Variants in USP50 observed in about 807,000 individuals in gnomAD.
The protein encoded by USP50 is ubiquitin carboxyl-terminal hydrolase 50.
In USP50, 37 loss-of-function variants were observed where a neutral mutation model predicts 39.2. The ratio of observed to expected loss-of-function variants is 0.94; its 90% CI spans 0.73 to 1.24. USP50 has a LOEUF of 1.24. Ranked by LOEUF, USP50 falls within the 50% of genes most tolerant of loss-of-function variation. The pLI is 0.00. For missense variants in USP50, 374 were observed against 398.2 expected, an observed-to-expected ratio of 0.94 and a Z score of 0.52; for synonymous variants, 139 against 144.5, an observed-to-expected ratio of 0.96 and a Z score of 0.27.
At position 50,538,792 on chromosome 15, in the gene USP50, G is replaced by A. The variant is rs2053003905; in HGVS notation, c.720C>T (p.Cys240=). Residue 240 remains cysteine, a synonymous_variant, in exon 5 of 7, where the codon TGC becomes TGT. Transcript: ENST00000532404. ...DALTWNNEIH[C]SFCETKQETA... ...TTTCTTGCTTGGTTTCACAAAAGGA[G>A]CAGTGAATTTCGTTGTTCCAGGTCA... The A allele has an allele frequency of 6.2e-7, 1 of 1,613,574 alleles. No individual in the cohort carries two copies.
intron 5 of USP50, among the ~76,000 whole-genome samples, chr15:50,536,894 G>T (rs527408441): frequency 1.3e-5 from 2 of 152,216 alleles, no homozygotes; most frequent in Admixed American, 6.5e-5. Context: ...TAAATACAAT[G>T]CAATCCCAAT....
At chr15:50,530,409 T>C (rs1224036661) in intron 5 of USP50, among the ~76,000 whole-genome samples, 1 of 151,866 alleles carries the variant, frequency 6.6e-6, no homozygotes, top group Non-Finnish European at 1.5e-5. Context: ...TGGTGAAACC[T>C]CGTCTCTACT....
At chr15:50,514,264 G>C (rs1419007886) in intron 6 of USP50, 1 of 152,160 alleles carries the variant, frequency 6.6e-6, no homozygotes, top group African/African-American at 2.4e-5. Context: ...CTCGAAGGCA[G>C]GTACAAGCAC....
At chr15:50,521,196 C>T (rs967719972) in intron 6 of USP50, among the ~76,000 whole-genome samples, 1 of 152,208 alleles carries the variant, frequency 6.6e-6, no homozygotes, top group East Asian at 1.9e-4. Context: ...CGCCCGCCAC[C>T]AAGCTTGGCA....
chr15:50,519,708 C>A (rs1050788361), intron 6 of USP50, among the ~76,000 whole-genome samples: 8 of 150,964 alleles, frequency 5.3e-5, no homozygotes, highest in Non-Finnish European at 1.2e-4. Context: ...GAGCGAGACT[C>A]CGTCTCTTAA....
chr15:50,497,017 CTAAA>C, downstream of USP50: 3 of 1,525,276 alleles, frequency 2.0e-6, no homozygotes, highest in South Asian at 3.9e-5. Flanking sequence ...GAGTGACTAA[CTAAA>C]TAGGTGCTCT....
downstream of USP50, chr15:50,495,731 T>A: frequency 1.2e-6 from 1 of 808,338 alleles, no homozygotes; most frequent in Non-Finnish European, 1.9e-6. Flanking sequence ...TCAGAACTCC[T>A]TTATGAGAAC....
At chr15:50,497,301 T>C (rs776542499), downstream of USP50, 53 of 1,513,150 alleles carry the variant, frequency 3.5e-5, no homozygotes, top group Non-Finnish European at 4.6e-5. Context: ...GTGTAATTTA[T>C]ACTTGTTGTA....
Position 50,529,932 on chromosome 15 carries a change from G to T in USP50, c.804-3C>A. 2.5e-6 allele frequency: 4 copies of T among 1,613,436 alleles called. No individual in the cohort carries two copies. In the South Asian group the frequency reaches 4.4e-5, roughly 18 times the overall value. Reference sequence around the variant, plus strand: ...TTGTTGTACCCTGAATGTCAAACCTGCAGGTATAATAAATGTGTGAAATAC... The same window carrying T: ...TTGTTGTACCCTGAATGTCAAACCTTCAGGTATAATAAATGTGTGAAATAC... On this transcript the variant is annotated splice_region_variant and splice_polypyrimidine_tract_variant and intron_variant, in intron 5 of 6. Transcript: ENST00000532404.
intron 6 of USP50, among the ~76,000 whole-genome samples, chr15:50,520,639 A>G (rs1192434355): frequency 6.6e-6 from 1 of 152,062 alleles, no homozygotes; most frequent in African/African-American, 2.4e-5. Flanking sequence ...AAAAAGGAAT[A>G]TTCTTCATTC....
At chr15:50,499,250 ATAACATT>A (rs1369325714), downstream of USP50, 3 of 551,668 alleles carry the variant, frequency 5.4e-6, no homozygotes, top group Admixed American at 4.0e-5. Context: ...GTGCTGACAA[ATAACATT>A]TAACAAGTAT....
At chr15:50,540,598 C>T (rs1014325759) in intron 4 of USP50, among the ~76,000 whole-genome samples, 12 of 152,004 alleles carry the variant, frequency 7.9e-5, no homozygotes, top group African/African-American at 2.7e-4. Context: ...AAAATACTGT[C>T]ATCATGGACT....
intron 5 of USP50, among the ~76,000 whole-genome samples, chr15:50,534,416 A>G (rs1328472812): frequency 6.6e-6 from 1 of 152,230 alleles, no homozygotes; most frequent in Non-Finnish European, 1.5e-5. Flanking sequence ...TAAAACCACA[A>G]AAAGCAGGAA....
downstream of USP50, chr15:50,498,422 T>C: frequency 1.2e-6 from 1 of 803,818 alleles, no homozygotes; most frequent in East Asian, 2.9e-5. Context: ...TTTTCTTGTT[T>C]GTAAAATGGA....
chr15:50,521,127 C>T (rs1316551283), intron 6 of USP50, among the ~76,000 whole-genome samples: 1 of 152,092 alleles, frequency 6.6e-6, no homozygotes, highest in Non-Finnish European at 1.5e-5. Flanking sequence ...CTGCAACCTC[C>T]ACCTCCCTGG....
chr15:50,541,286 A>T, intron 3 of USP50, 22 bp from the exon 4 acceptor site: 1 of 1,587,768 alleles, frequency 6.3e-7, no homozygotes, highest in South Asian at 1.1e-5. Context: ...AGCAAATTTC[A>T]CCCAAATTAA....
intron 4 of USP50, 28 bp downstream of exon 4, chr15:50,541,021 A>G (rs1485021673): frequency 6.4e-7 from 1 of 1,570,870 alleles, no homozygotes; most frequent in Middle Eastern, 1.7e-4. Flanking sequence ...ATAGCGAGAC[A>G]AAGTGTCCAG....
intron 5 of USP50, 127 bp from the exon 6 acceptor site, chr15:50,530,056 C>T (rs2141371209): frequency 7.3e-7 from 1 of 1,370,392 alleles, no homozygotes; most frequent in East Asian, 2.3e-5. Flanking sequence ...CCTGTAATCC[C>T]ACAACTTTGG....
At chr15:50,542,481 A>ATTTTTTTTT (rs11292495) in intron 3 of USP50, among the ~76,000 whole-genome samples, 3 of 97,396 alleles carry the variant, frequency 3.1e-5, no homozygotes, top group Non-Finnish European at 3.9e-5. Flanking sequence ...TTTCCTTTTC[A>ATTTTTTTTT]TTTTTTTTTT....
Sources: allele counts gnomAD v4.1 joint callset (sites outside exome capture counted in the v4.1 genomes callset), GRCh38; gene constraint gnomAD v4.1.1; transcripts MANE v1.5; gene names NCBI Gene and HGNC (gene_info 2026-07-23, HGNC 2026-07-21).